The following NFATC1 variants were observed in gnomAD, a reference collection of about 807,000 sequenced individuals.
The protein encoded by NFATC1 is nuclear factor of activated T cells 1, also known as nuclear factor of activated T-cells, cytoplasmic 1.
A neutral mutation model predicts 76.0 loss-of-function variants in NFATC1; 22 were observed. The ratio of observed to expected loss-of-function variants is 0.29; its 90% CI spans 0.21 to 0.41. The LOEUF (loss-of-function observed/expected upper bound fraction) is 0.41, where lower values mean the gene tolerates loss of function less well. Ranked by LOEUF, NFATC1 falls within the 10% of genes least tolerant of loss-of-function variation. The pLI is 1.00. For synonymous variants in NFATC1, 704 were observed against 613.1 expected, an observed-to-expected ratio of 1.15 and a Z score of -2.19; for missense variants, 1,357 against 1,337.7, an observed-to-expected ratio of 1.01 and a Z score of -0.23.
intron 1 of NFATC1, among the ~76,000 whole-genome samples, chr18:79,408,518 A>G (rs185753249): frequency 6.6e-6 from 1 of 152,358 alleles, no homozygotes; most frequent in Non-Finnish European, 1.5e-5. Flanking sequence ...TGTGTACCAG[A>G]ATCTTCTGTT....
At chr18:79,443,584 G>C (rs1201319712) in intron 3 of NFATC1, among the ~76,000 whole-genome samples, 1 of 152,220 alleles carries the variant, frequency 6.6e-6, no homozygotes, top group Non-Finnish European at 1.5e-5. Context: ...CAGCAGGCTT[G>C]CTATGTAACC....
intron 2 of NFATC1, among the ~76,000 whole-genome samples, chr18:79,420,655 G>A (rs191814654): frequency 3.1e-4 from 47 of 151,712 alleles, no homozygotes; most frequent in Non-Finnish European, 6.3e-4. Flanking sequence ...CAAGGTCGCT[G>A]CAGAGAGGAA....
chr18:79,461,041 G>C (rs112903301), intron 6 of NFATC1, among the ~76,000 whole-genome samples: 8,937 of 152,310 alleles, frequency 0.059, 823 homozygotes, highest in African/African-American at 0.2. Context: ...TCCCTCCTAC[G>C]CCGGGCTGGG....
In NFATC1 at chr18:79,425,790, C is replaced by T. The variant is rs11660006; in HGVS notation, c.1227-7789C>T. On this transcript the variant is annotated intron_variant, in intron 2 of 9. Transcript: ENST00000427363. ...AACTGAAGCCCATTCACCAGGTGGG[C>T]GGGGGAGGAGCTGGGCAGAGGTTGA... Among the ~76,000 whole-genome samples the T allele has an allele frequency of 2.8e-3, 431 of 152,200 alleles. 2 individuals are homozygous for T. Among genetic ancestry groups the T allele is most frequent in the Non-Finnish European group, 5.4e-3 (367 of 67,988 alleles).
At chr18:79,424,879 CTCTTTCTCCATCTCTGTT>C (rs2086243661) in intron 2 of NFATC1, among the ~76,000 whole-genome samples, 1 of 139,546 alleles carries the variant, frequency 7.2e-6, no homozygotes, top group African/African-American at 2.5e-5. Flanking sequence ...CCATCTCTGT[CTCTTTCTCCATCTCTGTT>C]TCTCCATTTC....
At chr18:79,401,417 G>A (rs953022410) in intron 1 of NFATC1, among the ~76,000 whole-genome samples, 2 of 152,144 alleles carry the variant, frequency 1.3e-5, no homozygotes, top group Non-Finnish European at 2.9e-5. Context: ...AACCTGTGCT[G>A]CCTGCGGTTC....
rs556074921 is a variant in NFATC1, at chr18:79,511,828, G to A, written c.2783-15700G>A. Among the ~76,000 whole-genome samples the A allele has an allele frequency of 3.2e-3, 487 of 152,308 alleles. 2 individuals carry two copies. Among genetic ancestry groups the A allele is most frequent in the Non-Finnish European group, 5.0e-3 (338 of 68,022 alleles). ...AGGACGTGCAGTGGAGCTGGGAGAT[G>A]TGGATGGACTTGCTGCGGGTCCGGG... On this transcript the variant is annotated intron_variant, in intron 9 of 9. Coordinates refer to ENST00000427363, the MANE Select transcript of NFATC1 (RefSeq NM_001278669.2).
chr18:79,433,271 A>T (rs2086661165), intron 2 of NFATC1, among the ~76,000 whole-genome samples: 1 of 152,138 alleles, frequency 6.6e-6, no homozygotes, highest in Admixed American at 6.5e-5. Context: ...TTTAAAACAG[A>T]TTTTCAATGA....
chr18:79,502,021 A>T (rs1373276857), intron 9 of NFATC1, among the ~76,000 whole-genome samples: 3 of 152,216 alleles, frequency 2.0e-5, no homozygotes, highest in African/African-American at 7.2e-5. Flanking sequence ...TAAAATCTAC[A>T]TGGAGTTTCA....
intron 9 of NFATC1, among the ~76,000 whole-genome samples, chr18:79,522,952 A>G (rs1167510886): frequency 6.6e-6 from 1 of 152,198 alleles, no homozygotes; most frequent in Non-Finnish European, 1.5e-5. Context: ...GTGGCTGTTC[A>G]GGGCCCAGCA....
At chr18:79,443,194 A>G (rs2087052491) in intron 3 of NFATC1, among the ~76,000 whole-genome samples, 1 of 152,156 alleles carries the variant, frequency 6.6e-6, no homozygotes, top group Non-Finnish European at 1.5e-5. Context: ...TAGGAAAGCA[A>G]CTGTGTTCAC....
chr18:79,474,620 C>T (rs1284730502), intron 8 of NFATC1, among the ~76,000 whole-genome samples: 27 of 139,116 alleles, frequency 1.9e-4, no homozygotes, highest in African/African-American at 5.3e-4. Flanking sequence ...TTGACGTAAA[C>T]CTGAGGGAAG....
intron 6 of NFATC1, among the ~76,000 whole-genome samples, chr18:79,458,801 G>T (rs1052661103): frequency 6.6e-6 from 1 of 152,248 alleles, no homozygotes; most frequent in African/African-American, 2.4e-5. Flanking sequence ...TCTTGCCGGC[G>T]GGACGCGGCC....
chr18:79,428,595 C>T (rs545672663), intron 2 of NFATC1, among the ~76,000 whole-genome samples: 1 of 152,226 alleles, frequency 6.6e-6, no homozygotes, highest in Non-Finnish European at 1.5e-5. Flanking sequence ...CACAGCCCAG[C>T]AGTACAATGA....
chr18:79,418,259 C>T (rs951154256), intron 2 of NFATC1, among the ~76,000 whole-genome samples: 9 of 152,140 alleles, frequency 5.9e-5, no homozygotes, highest in African/African-American at 2.2e-4. Flanking sequence ...AGGGAGCTGT[C>T]GGGTCACAGT....
intron 8 of NFATC1, among the ~76,000 whole-genome samples, chr18:79,476,360 C>T (rs916391279): frequency 3.3e-5 from 5 of 152,272 alleles, no homozygotes; most frequent in Admixed American, 6.5e-5. Flanking sequence ...CCACAGAACA[C>T]GGCGGGCAGC....
At chr18:79,440,838 G>C (rs905178116) in intron 3 of NFATC1, among the ~76,000 whole-genome samples, 9 of 152,278 alleles carry the variant, frequency 5.9e-5, no homozygotes, top group African/African-American at 2.2e-4. Context: ...AGGAGCTGCT[G>C]GGCGGGACGG....
At chr18:79,466,915 C>T (rs1032312306) in intron 7 of NFATC1, among the ~76,000 whole-genome samples, 1 of 152,180 alleles carries the variant, frequency 6.6e-6, no homozygotes, top group Non-Finnish European at 1.5e-5. Context: ...AGCCTTGGGT[C>T]GTTTTCTGAA....
chr18:79,472,754 C>T (rs887990856), intron 8 of NFATC1, among the ~76,000 whole-genome samples: 4 of 152,216 alleles, frequency 2.6e-5, no homozygotes, highest in Non-Finnish European at 5.9e-5. Context: ...CGCCTTCCCT[C>T]ATCTGATCCT....
Sources: allele counts gnomAD v4.1 joint callset (sites outside exome capture counted in the v4.1 genomes callset), GRCh38; gene constraint gnomAD v4.1.1; transcripts MANE v1.5; gene names NCBI Gene and HGNC (gene_info 2026-07-23, HGNC 2026-07-21).